The following PCDH17 variants were observed in gnomAD, a reference collection of about 807,000 sequenced individuals.
The protein encoded by PCDH17 is protocadherin-17.
Under a neutral mutation model 67.7 loss-of-function variants are expected in PCDH17, and 21 were observed. That is an observed-to-expected ratio of 0.31 (90% CI 0.22 to 0.45). The LOEUF (loss-of-function observed/expected upper bound fraction) is 0.45. Among genes scored for constraint, PCDH17 ranks in the 20% least tolerant of loss-of-function variants. The probability of loss-of-function intolerance (pLI) is 1.00; values close to 1 mark genes in which losing one functional copy is unlikely to be tolerated. For missense variants in PCDH17, 1,471 were observed against 1,564.8 expected, an observed-to-expected ratio of 0.94 and a Z score of 1.01; for synonymous variants, 701 against 656.7, an observed-to-expected ratio of 1.07 and a Z score of -1.03.
intron 3 of PCDH17, among the ~76,000 whole-genome samples, chr13:57,713,376 A>G (rs1181660022): frequency 6.6e-6 from 1 of 151,756 alleles, no homozygotes; most frequent in Admixed American, 6.6e-5. Flanking sequence ...CTTCCAATAA[A>G]TTTATAGCAC....
At chr13:57,711,944 C>A (rs934942306) in intron 3 of PCDH17, among the ~76,000 whole-genome samples, 3 of 151,174 alleles carry the variant, frequency 2.0e-5, no homozygotes, top group Non-Finnish European at 4.4e-5. Context: ...GGATTTTATG[C>A]AAAATTATGT....
chr13:57,678,826 A>T (rs1004343461), intron 3 of PCDH17, among the ~76,000 whole-genome samples: 2 of 151,530 alleles, frequency 1.3e-5, no homozygotes, highest in African/African-American at 4.8e-5. Context: ...TTTTTTCTTT[A>T]CTTTTCCGTC....
At chr13:57,690,771 T>A (rs551825400) in intron 3 of PCDH17, among the ~76,000 whole-genome samples, 1 of 151,722 alleles carries the variant, frequency 6.6e-6, no homozygotes, top group African/African-American at 2.4e-5. Context: ...TGTAGTATCA[T>A]TTATGTGTGA....
At chr13:57,671,650 A>G (rs1470008486) in intron 3 of PCDH17, among the ~76,000 whole-genome samples, 1 of 152,086 alleles carries the variant, frequency 6.6e-6, no homozygotes. Context: ...TCTAACTAAT[A>G]AATGTACAGT....
intron 1 of PCDH17, among the ~76,000 whole-genome samples, chr13:57,637,163 GT>G (rs1954834181): frequency 1.3e-5 from 2 of 152,132 alleles, no homozygotes; most frequent in South Asian, 4.1e-4. Context: ...TTAACATTCT[GT>G]TTCTTCTAGA....
intron 1 of PCDH17, among the ~76,000 whole-genome samples, chr13:57,639,492 T>C (rs1954864521): frequency 6.6e-6 from 1 of 151,896 alleles, no homozygotes; most frequent in African/African-American, 2.4e-5. Context: ...AGTATAAAGC[T>C]AGAAACCAGA....
chr13:57,660,889 A>C (rs1040502265), intron 1 of PCDH17, among the ~76,000 whole-genome samples: 1 of 152,250 alleles, frequency 6.6e-6, no homozygotes, highest in East Asian at 1.9e-4. Flanking sequence ...ATGGTATTTT[A>C]TTACACTTAT....
chr13:57,722,987 A>G (rs2138104419), intron 3 of PCDH17, among the ~76,000 whole-genome samples: 1 of 152,328 alleles, frequency 6.6e-6, no homozygotes, highest in East Asian at 1.9e-4. Flanking sequence ...CTGAAAAAAA[A>G]TAATGCCTAG....
chr13:57,685,588 C>G (rs1035562746), intron 3 of PCDH17, among the ~76,000 whole-genome samples: 3 of 151,914 alleles, frequency 2.0e-5, no homozygotes, highest in African/African-American at 4.8e-5. Flanking sequence ...TATTTTAAAT[C>G]TACCATATGA....
chr13:57,636,080 C>G (rs1265873389), intron 1 of PCDH17, among the ~76,000 whole-genome samples: 2 of 152,134 alleles, frequency 1.3e-5, no homozygotes, highest in Non-Finnish European at 2.9e-5. Flanking sequence ...GATAATACCA[C>G]AAAACTAAAT....
intron 1 of PCDH17, among the ~76,000 whole-genome samples, chr13:57,663,547 A>G (rs1366748567): frequency 1.3e-5 from 2 of 152,178 alleles, no homozygotes; most frequent in Admixed American, 1.3e-4. Flanking sequence ...ATTATTTTAA[A>G]TGAATTTTCA....
chr13:57,699,454 C>T (rs1955642451), intron 3 of PCDH17, among the ~76,000 whole-genome samples: 1 of 152,044 alleles, frequency 6.6e-6, no homozygotes, highest in Non-Finnish European at 1.5e-5. Context: ...TTACGTTTCT[C>T]TCTCTTGTTT....
chr13:57,664,207 T>G (rs2138020580), intron 1 of PCDH17, among the ~76,000 whole-genome samples: 1 of 152,254 alleles, frequency 6.6e-6, no homozygotes, highest in South Asian at 2.1e-4. Flanking sequence ...CTGGCCTTTC[T>G]TTGGCTTTCC....
Position 57,641,984 on chromosome 13 carries a change from T to A in PCDH17, c.2565+6873T>A, listed in dbSNP as rs180759615. Among the ~76,000 whole-genome samples the A allele has an allele frequency of 2.1e-3, 319 of 151,728 alleles. 1 individual carries two copies. Among genetic ancestry groups the A allele is most frequent in the African/African-American group, 6.7e-3 (276 of 41,484 alleles). On this transcript the variant is annotated intron_variant, in intron 1 of 3. Coordinates refer to ENST00000377918, the MANE Select transcript of PCDH17 (RefSeq NM_001040429.3). Reference sequence around the variant, plus strand: ...GAGGAGTGGAATATATTAAAATAACTTAATGGTATTAGAAATTTACTTTAT... The same window carrying A: ...GAGGAGTGGAATATATTAAAATAACATAATGGTATTAGAAATTTACTTTAT...
At chr13:57,701,115 C>T (rs1955659128) in intron 3 of PCDH17, among the ~76,000 whole-genome samples, 1 of 151,990 alleles carries the variant, frequency 6.6e-6, no homozygotes, top group Admixed American at 6.6e-5. Context: ...TAAAAATAAA[C>T]CTTCCTTATT....
chr13:57,670,152 G>A (rs376798914), intron 3 of PCDH17, among the ~76,000 whole-genome samples: 7 of 151,814 alleles, frequency 4.6e-5, no homozygotes, highest in East Asian at 1.9e-4. Context: ...TGCTATTCAC[G>A]TAATGAGTAG....
At chr13:57,646,348 T>C (rs1205957864) in intron 1 of PCDH17, among the ~76,000 whole-genome samples, 1 of 151,692 alleles carries the variant, frequency 6.6e-6, no homozygotes, top group African/African-American at 2.4e-5. Flanking sequence ...TAATTATTAA[T>C]TCAATGAATA....
chr13:57,725,671 G>C lies in PCDH17; in HGVS notation c.*377G>C, dbSNP rs976867468. On this transcript the variant is annotated 3_prime_UTR_variant, in exon 4 of 4. Coordinates refer to ENST00000377918, the MANE Select transcript of PCDH17 (RefSeq NM_001040429.3). Reference sequence around the variant, plus strand: ...TCTGATCACTCTCAGACTGTCCTCCGTGATTTATGCTGACTTAACTGTTTA... The same window carrying C: ...TCTGATCACTCTCAGACTGTCCTCCCTGATTTATGCTGACTTAACTGTTTA... 5.8e-6 allele frequency: 1 copy of C among 171,258 alleles called. No homozygotes were observed. The highest frequency in any genetic ancestry group is 1.3e-5 in the Non-Finnish European group (1 of 79,286). The allele number at this position is 171,258 out of a possible 1,614,324, so 10.6% of individuals were successfully genotyped here.
intron 3 of PCDH17, among the ~76,000 whole-genome samples, chr13:57,667,842 C>A (rs1239435775): frequency 6.8e-6 from 1 of 147,552 alleles, no homozygotes; most frequent in South Asian, 2.1e-4. Flanking sequence ...TATTAATATA[C>A]CCATATATAT....
Sources: allele counts gnomAD v4.1 joint callset (sites outside exome capture counted in the v4.1 genomes callset), GRCh38; gene constraint gnomAD v4.1.1; transcripts MANE v1.5; gene names NCBI Gene and HGNC (gene_info 2026-07-23, HGNC 2026-07-21).